The following FOXP1 variants were observed in gnomAD, a reference collection of about 807,000 sequenced individuals.
The protein encoded by FOXP1 is forkhead box protein P1.
A neutral mutation model predicts 98.2 loss-of-function variants in FOXP1; 15 were observed. The ratio of observed to expected loss-of-function variants is 0.15; its 90% CI spans 0.10 to 0.24. FOXP1 has a LOEUF of 0.24. FOXP1 is among the 10% of genes least tolerant of loss of function. The probability of loss-of-function intolerance (pLI) is 1.00; values close to 1 mark genes in which losing one functional copy is unlikely to be tolerated. For synonymous variants in FOXP1, 371 were observed against 314.5 expected (o/e 1.18, Z -1.90); for missense variants, 633 against 848.5 (o/e 0.75, Z 3.15).
chr3:71,053,745 G>C lies in FOXP1; in HGVS notation c.311C>G (p.Pro104Arg). ...CATTTGCTGGGGAGTGATAACTTGA[G>C]GTGTCATCATAGCCACTGACACGGG... ...QVPVSVAMMTPQVITPQQMQQ... is the reference protein window; with the variant it reads ...QVPVSVAMMTRQVITPQQMQQ... The change falls in exon 8 of 21, where the codon CCT becomes CGT. Residue 104 changes from proline (P) to arginine (R), a missense_variant. Pro to Arg is a moderately radical substitution (Grantham distance 103). Transcript: ENST00000649528. The C allele has an allele frequency of 1.9e-6, 3 of 1,613,980 alleles. No homozygotes were observed. Among genetic ancestry groups the C allele is most frequent in the Non-Finnish European group, 2.5e-6 (3 of 1,179,964 alleles).
At chr3:71,394,171 C>G (rs2081226095) in intron 3 of FOXP1, among the ~76,000 whole-genome samples, 1 of 152,178 alleles carries the variant, frequency 6.6e-6, no homozygotes. Context: ...TATGCACCAG[C>G]CCAACTCCAA....
intron 5 of FOXP1, among the ~76,000 whole-genome samples, chr3:71,210,408 C>T (rs934052577): frequency 5.3e-5 from 8 of 152,146 alleles, no homozygotes; most frequent in Admixed American, 5.2e-4. Flanking sequence ...CCTGAGGCCT[C>T]GACAATGTCA....
At chr3:71,364,593 A>G (rs1330013955) in intron 3 of FOXP1, among the ~76,000 whole-genome samples, 1 of 152,246 alleles carries the variant, frequency 6.6e-6, no homozygotes, top group African/African-American at 2.4e-5. Context: ...ATTTCTAAAT[A>G]AAACAGTTTT....
At position 71,399,533 on chromosome 3, in the gene FOXP1, T is replaced by C. The variant is rs181104689; in HGVS notation, c.-167-40289A>G. ...TGCATTTCACTAAAGTCGATAAAAA[T>C]CAACTCCCAGATTGCACACAGAACA... On this transcript the variant is annotated intron_variant, in intron 3 of 20. Coordinates refer to ENST00000649528, the MANE Select transcript of FOXP1 (RefSeq NM_001349338.3). 1.0e-3 allele frequency among the ~76,000 whole-genome samples: 153 copies of C among 152,236 alleles called. 1 individual carries two copies. The highest frequency in any genetic ancestry group is 3.6e-3 in the African/African-American group (148 of 41,550).
At chr3:71,150,389 C>T (rs558207063) in intron 6 of FOXP1, among the ~76,000 whole-genome samples, 2 of 152,196 alleles carry the variant, frequency 1.3e-5, no homozygotes, top group African/African-American at 4.8e-5. Context: ...CATATTCTAC[C>T]CCTAGAATAT....
rs143862827 is a variant in FOXP1 at position 71,244,388 on chromosome 3, C to T, written c.-11-45996G>A. Among the ~76,000 whole-genome samples, 518 of 152,076 alleles carry T rather than the reference C, an allele frequency of 3.4e-3. 4 individuals are homozygous for T. The highest frequency in any genetic ancestry group is 0.012 in the African/African-American group (479 of 41,496). On this transcript the variant is annotated intron_variant, in intron 5 of 20. Transcript: ENST00000649528. ...AGACATCCCTCCCAAAATAACTTGG[C>T]CCTCCCCCCGAAGCACAGAGTTGAG...
chr3:71,025,609 G>A (rs117763213), intron 11 of FOXP1, among the ~76,000 whole-genome samples: 1 of 152,154 alleles, frequency 6.6e-6, no homozygotes, highest in Non-Finnish European at 1.5e-5. Context: ...TTAATGCAAG[G>A]CTGTATTTCT....
intron 5 of FOXP1, among the ~76,000 whole-genome samples, chr3:71,249,395 G>A (rs777361089): frequency 1.5e-4 from 23 of 152,322 alleles, no homozygotes; most frequent in African/African-American, 4.8e-4. Context: ...TAAATATGCC[G>A]GCAGTTATAC....
At chr3:71,130,922 C>T (rs1049039100) in intron 6 of FOXP1, 24 of 1,325,698 alleles carry the variant, frequency 1.8e-5, no homozygotes, top group Middle Eastern at 2.9e-4. Context: ...ACGCAGTGCG[C>T]CCTGGCTAGA....
At chr3:70,968,725 C>T (rs1480043154) in intron 19 of FOXP1, 1 of 152,062 alleles carries the variant, frequency 6.6e-6, no homozygotes, top group Non-Finnish European at 1.5e-5. Context: ...TTATGTTGCT[C>T]TAGTAATTTT....
chr3:71,169,704 T>C (rs1273975053), intron 6 of FOXP1, among the ~76,000 whole-genome samples: 1 of 147,848 alleles, frequency 6.8e-6, no homozygotes, highest in Non-Finnish European at 1.5e-5. Context: ...GGGTCTAAAA[T>C]GAGCCCATGT....
intron 5 of FOXP1, among the ~76,000 whole-genome samples, chr3:71,233,592 CTTTT>C (rs34054213): frequency 9.2e-6 from 1 of 108,682 alleles, no homozygotes. Flanking sequence ...ATGTTTGACT[CTTTT>C]TTTTTTTTTT....
intron 4 of FOXP1, among the ~76,000 whole-genome samples, chr3:71,300,887 T>C (rs1462823396): frequency 1.3e-5 from 2 of 152,222 alleles, no homozygotes; most frequent in African/African-American, 4.8e-5. Flanking sequence ...ATCCCTCTGC[T>C]GTCAGCCCTG....
At chr3:71,040,921 A>C (rs1429997087) in intron 11 of FOXP1, among the ~76,000 whole-genome samples, 1 of 152,184 alleles carries the variant, frequency 6.6e-6, no homozygotes, top group Non-Finnish European at 1.5e-5. Flanking sequence ...GAGTAACATA[A>C]GTTCTATGTT....
At chr3:71,499,163 T>C (rs1157215005) in intron 2 of FOXP1, among the ~76,000 whole-genome samples, 3 of 152,298 alleles carry the variant, frequency 2.0e-5, no homozygotes, top group Middle Eastern at 6.8e-3. Flanking sequence ...AGATGGGGTA[T>C]TCATTTCTCT....
At chr3:71,415,733 G>A (rs2083164049) in intron 3 of FOXP1, among the ~76,000 whole-genome samples, 1 of 148,350 alleles carries the variant, frequency 6.7e-6, no homozygotes, top group African/African-American at 2.5e-5. Context: ...AAGGGCTTTA[G>A]TATCTGATGT....
intron 6 of FOXP1, among the ~76,000 whole-genome samples, chr3:71,137,753 C>CA (rs1262753073): frequency 8.6e-5 from 13 of 151,030 alleles, no homozygotes; most frequent in Non-Finnish European, 1.9e-4. Flanking sequence ...ACTAACCTAC[C>CA]AAAAAATCCA....
chr3:71,441,693 G>A (rs541923124), intron 3 of FOXP1, among the ~76,000 whole-genome samples: 6 of 152,274 alleles, frequency 3.9e-5, no homozygotes, highest in African/African-American at 7.2e-5. Context: ...CCTCTGCTTC[G>A]TAAACCCTCA....
intron 6 of FOXP1, among the ~76,000 whole-genome samples, chr3:71,188,960 T>C (rs958826032): frequency 4.6e-5 from 7 of 152,176 alleles, no homozygotes; most frequent in African/African-American, 1.7e-4. Context: ...GTATCTGCAC[T>C]ATCAGTTTAT....
Sources: allele counts gnomAD v4.1 joint callset (sites outside exome capture counted in the v4.1 genomes callset), GRCh38; gene constraint gnomAD v4.1.1; transcripts MANE v1.5; gene names NCBI Gene and HGNC (gene_info 2026-07-23, HGNC 2026-07-21).